Variants in DEUP1 observed in about 807,000 individuals in gnomAD.
The protein encoded by DEUP1 is coiled-coil domain containing 67.
Under a neutral mutation model 87.4 loss-of-function variants are expected in DEUP1, and 82 were observed. That is an observed-to-expected ratio of 0.94 (90% CI 0.78 to 1.13). The LOEUF is 1.13. Among genes scored for constraint, DEUP1 ranks in the 50% most tolerant of loss-of-function variants. DEUP1 has a pLI of 0.00. For missense variants in DEUP1, 663 were observed against 681.5 expected, an observed-to-expected ratio of 0.97 and a Z score of 0.30; for synonymous variants, 214 against 222.7, an observed-to-expected ratio of 0.96 and a Z score of 0.35.
intron 2 of DEUP1, among the ~76,000 whole-genome samples, chr11:93,353,372 G>C (rs567692385): frequency 1.6e-4 from 25 of 152,308 alleles, no homozygotes; most frequent in African/African-American, 5.8e-4. Context: ...CTCCCTCCAG[G>C]CTGCTTTCAC....
At chr11:93,373,637 A>ACG (rs1565316483) in intron 7 of DEUP1, among the ~76,000 whole-genome samples, 1 of 147,060 alleles carries the variant, frequency 6.8e-6, no homozygotes, top group Non-Finnish European at 1.5e-5. Context: ...ATATATATAT[A>ACG]TATATATATA....
chr11:93,335,130 C>T (rs1484414730), intron 2 of DEUP1, among the ~76,000 whole-genome samples: 1 of 152,198 alleles, frequency 6.6e-6, no homozygotes, highest in Non-Finnish European at 1.5e-5. Context: ...TCTAAATAAT[C>T]TATCATTTCA....
chr11:93,430,437 A>G (rs1948069680), intron 13 of DEUP1, among the ~76,000 whole-genome samples: 1 of 152,222 alleles, frequency 6.6e-6, no homozygotes, highest in African/African-American at 2.4e-5. Context: ...AAAAATTACT[A>G]CAATGTGGAT....
chr11:93,418,383 A>T (rs1001149912), intron 13 of DEUP1, among the ~76,000 whole-genome samples: 3 of 152,108 alleles, frequency 2.0e-5, no homozygotes, highest in Non-Finnish European at 4.4e-5. Context: ...ACATGAACAG[A>T]CACTTCTCAA....
chr11:93,387,218 TAA>T (rs1946601151), intron 8 of DEUP1, among the ~76,000 whole-genome samples: 1 of 152,180 alleles, frequency 6.6e-6, no homozygotes, highest in African/African-American at 2.4e-5. Context: ...TCTTTTCCAC[TAA>T]AAGAGTCTAA....
intron 2 of DEUP1, among the ~76,000 whole-genome samples, chr11:93,340,751 T>C (rs1466679172): frequency 6.6e-6 from 1 of 152,146 alleles, no homozygotes; most frequent in Admixed American, 6.5e-5. Flanking sequence ...TGTGAGAAGA[T>C]GATGAACAAA....
chr11:93,397,918 T>C (rs988895154), intron 11 of DEUP1, among the ~76,000 whole-genome samples: 1 of 152,232 alleles, frequency 6.6e-6, no homozygotes, highest in Admixed American at 6.5e-5. Context: ...ATATAAGATA[T>C]ACATAATTTT....
chr11:93,338,533 G>A (rs1052028469), intron 2 of DEUP1, among the ~76,000 whole-genome samples: 2 of 151,432 alleles, frequency 1.3e-5, no homozygotes, highest in South Asian at 2.1e-4. Context: ...AGCCTCCTGA[G>A]TAGCTGGGAG....
intron 2 of DEUP1, among the ~76,000 whole-genome samples, chr11:93,333,455 T>G (rs929518280): frequency 2.0e-5 from 3 of 152,186 alleles, no homozygotes; most frequent in East Asian, 1.9e-4. Flanking sequence ...ACCTTTTCTT[T>G]TAGGAGTATA....
At chr11:93,396,497 G>T in intron 11 of DEUP1, 172 bp downstream of exon 11, 1 of 499,210 alleles carries the variant, frequency 2.0e-6, no homozygotes, top group Non-Finnish European at 3.5e-6. Flanking sequence ...TAGAACATTG[G>T]AATGTCTGGT....
intron 13 of DEUP1, among the ~76,000 whole-genome samples, chr11:93,433,707 G>A (rs1948163829): frequency 6.6e-6 from 1 of 152,202 alleles, no homozygotes; most frequent in Admixed American, 6.5e-5. Flanking sequence ...TCTTGTGAAA[G>A]CGATTTACCG....
At chr11:93,419,595 T>C (rs1947794851) in intron 13 of DEUP1, among the ~76,000 whole-genome samples, 1 of 152,140 alleles carries the variant, frequency 6.6e-6, no homozygotes, top group Non-Finnish European at 1.5e-5. Flanking sequence ...CACAAGGTAT[T>C]TAGCCTTTCT....
intron 12 of DEUP1, among the ~76,000 whole-genome samples, chr11:93,409,493 T>C (rs1395802705): frequency 1.3e-5 from 2 of 152,178 alleles, no homozygotes; most frequent in Non-Finnish European, 2.9e-5. Context: ...GCCATTAATA[T>C]GTTAACTTAC....
At chr11:93,371,679 G>T (rs905695506) in intron 7 of DEUP1, among the ~76,000 whole-genome samples, 12 of 152,114 alleles carry the variant, frequency 7.9e-5, no homozygotes, top group Non-Finnish European at 1.8e-4. Flanking sequence ...ACCTCAGTGA[G>T]AGCTATGGAG....
intron 13 of DEUP1, among the ~76,000 whole-genome samples, chr11:93,431,144 A>C (rs185827790): frequency 1.6e-4 from 24 of 152,092 alleles, no homozygotes; most frequent in African/African-American, 5.5e-4. Flanking sequence ...AATAGTGATA[A>C]ATGCTGTGAT....
At chr11:93,350,392 T>C (rs1192991180) in intron 2 of DEUP1, among the ~76,000 whole-genome samples, 3 of 152,188 alleles carry the variant, frequency 2.0e-5, no homozygotes. Context: ...TTAGGACCAA[T>C]GGATGGAAAA....
chr11:93,389,289 G>A (rs777563698), intron 9 of DEUP1, among the ~76,000 whole-genome samples, 164 bp downstream of exon 9: 6 of 152,116 alleles, frequency 3.9e-5, no homozygotes, highest in Non-Finnish European at 7.3e-5. Flanking sequence ...TTCTGTGTGA[G>A]ACTACAAAAA....
chr11:93,396,097 T>A, intron 10 of DEUP1, 142 bp from the exon 11 acceptor site: 1 of 629,270 alleles, frequency 1.6e-6, no homozygotes, highest in South Asian at 2.0e-5. Context: ...TAAATAAGAA[T>A]ACCTGAATGT....
chr11:93,370,006 G>T, intron 5 of DEUP1, 67 bp from the exon 6 acceptor site: 1 of 729,260 alleles, frequency 1.4e-6, no homozygotes, highest in Non-Finnish European at 2.3e-6. Flanking sequence ...AATGAAAGAA[G>T]CCTTATTTGC....
Sources: gnomAD v4.1 joint callset for allele counts (sites outside exome capture counted in the v4.1 genomes callset) on GRCh38, gnomAD v4.1.1 for gene constraint, MANE v1.5 for transcripts, NCBI Gene and HGNC (gene_info 2026-07-23, HGNC 2026-07-21) for gene names.